DPEP2: variants seen among roughly 807,000 people sequenced by gnomAD.
DPEP2 encodes the protein dipeptidase 2.
In DPEP2, 45 loss-of-function variants were observed where a neutral mutation model predicts 51.8. That is an observed-to-expected ratio of 0.87 (90% CI 0.68 to 1.11). The LOEUF (loss-of-function observed/expected upper bound fraction) is 1.11. DPEP2 is among the 50% of genes most tolerant of loss of function. The pLI, the probability that DPEP2 is intolerant of heterozygous loss-of-function variation, is 0.00. For missense variants in DPEP2, 604 were observed against 631.9 expected (o/e 0.96, Z 0.47); for synonymous variants, 255 against 262.7 (o/e 0.97, Z 0.28).
chr16:67,988,007 T>C lies in DPEP2; in HGVS notation c.1071-20A>G. On this transcript the variant is annotated intron_variant, in intron 9 of 10. Coordinates refer to ENST00000393847, the MANE Select transcript of DPEP2 (RefSeq NM_022355.4). ...GGGAATCTGTGTGGCCACCAGCTAG[T>C]GGGTTTCAGACCTGATTCCCTGATC... 1 of 1,614,090 alleles carries C rather than the reference T, an allele frequency of 6.2e-7. No individual in the cohort carries two copies. Among genetic ancestry groups the C allele is most frequent in the South Asian group, 1.1e-5 (1 of 91,080 alleles).
At chr16:67,990,433 G>A (rs1196333888) in intron 7 of DPEP2, among the ~76,000 whole-genome samples, 1 of 152,106 alleles carries the variant, frequency 6.6e-6, no homozygotes, top group African/African-American at 2.4e-5. Context: ...AGAAGTGGAG[G>A]GAGCAGGGCC....
chr16:67,992,653 C>T lies in DPEP2; in HGVS notation c.264-17G>A. ...TCGTTGTGGCTGGAGGGATGTCAAG[C>T]CAGGGTCAGGTGAAGAACAGACAGA... On this transcript the variant is annotated splice_polypyrimidine_tract_variant and intron_variant, in intron 2 of 10. Coordinates refer to ENST00000393847, the MANE Select transcript of DPEP2 (RefSeq NM_022355.4). 6.2e-7 allele frequency: 1 copy of T among 1,609,902 alleles called. No homozygotes were observed.
upstream of DPEP2, chr16:68,000,417 A>G (rs1234103576): frequency 1.0e-6 from 1 of 984,990 alleles, no homozygotes; most frequent in African/African-American, 1.7e-5. Flanking sequence ...CCATGCTCAG[A>G]GCGCAGAGGT....
At position 67,990,054 on chromosome 16, in the gene DPEP2, A is replaced by G; in HGVS notation, c.987T>C (p.Thr329=). Residue 329 remains threonine (T), a synonymous_variant, in exon 8 of 11, where the codon ACT becomes ACC. Transcript: ENST00000393847. ...CCCGGGAGAGGGAGTTACCTGCCAC[A>G]GTGGACACATTGGCTGATGGGTTGC... The part of the protein sequence containing the change: ...IQCNPSANVS[T]VADHFDHIKA... 1 of 1,614,178 alleles carries G rather than the reference A, an allele frequency of 6.2e-7. No individual in the cohort carries two copies.
At position 67,993,098 on chromosome 16, in the gene DPEP2, G is replaced by T. The variant is rs780785366; in HGVS notation, c.115C>A (p.Pro39Thr). Residue 39 changes from proline to threonine, a missense_variant, in exon 2 of 11, where the codon CCC becomes ACC. Transcript: ENST00000393847. Reference protein sequence around the residue: ...PVTCAYTTPGPPRALTTLGAP... With the variant: ...PVTCAYTTPGTPRALTTLGAP... Reference sequence around the variant, plus strand: ...CCCAGCGTGGTGAGGGCTCTGGGGGGGCCTGGCGTGGTGTAGGCACAGGTT... The same window carrying T: ...CCCAGCGTGGTGAGGGCTCTGGGGGTGCCTGGCGTGGTGTAGGCACAGGTT... The T allele has an allele frequency of 3.3e-5, 51 of 1,566,786 alleles. No homozygotes were observed. In the Admixed American group the frequency reaches 8.4e-4, roughly 26 times the overall value.
At chr16:67,996,667 C>T (rs544994958) in intron 1 of DPEP2, among the ~76,000 whole-genome samples, 29 of 152,044 alleles carry the variant, frequency 1.9e-4, no homozygotes, top group Non-Finnish European at 3.2e-4. Flanking sequence ...TAGGTGTGAG[C>T]GACCGCACTC....
intron 1 of DPEP2, chr16:67,993,855 T>G (rs1165168417): frequency 2.0e-6 from 2 of 985,330 alleles, no homozygotes; most frequent in South Asian, 9.4e-5. Context: ...GGCCCTGACC[T>G]TCTCTCTCCC....
At chr16:67,995,304 C>T (rs962978923) in intron 1 of DPEP2, among the ~76,000 whole-genome samples, 7 of 152,096 alleles carry the variant, frequency 4.6e-5, no homozygotes, top group Non-Finnish European at 8.8e-5. Flanking sequence ...ACCTTGGCCT[C>T]CCAAAGTGCT....
At chr16:67,995,887 C>A (rs895230864) in intron 1 of DPEP2, among the ~76,000 whole-genome samples, 1 of 151,884 alleles carries the variant, frequency 6.6e-6, no homozygotes, top group Admixed American at 6.6e-5. Context: ...TCGTTTCAAC[C>A]CAGGAGGCAG....
chr16:67,991,819 C>T lies in DPEP2; in HGVS notation c.662+19G>A. On this transcript the variant is annotated intron_variant, in intron 5 of 10. Transcript: ENST00000393847. The surrounding 1 kb of genome is among the most constrained non-coding windows in gnomAD (Gnocchi z 5.1). ...CTGCCCCTGCCTCAGCGGTCCCACA[C>T]CATCTGCACTAGGCTCACCAGGGTG... 1 of 1,613,236 alleles carries T rather than the reference C, an allele frequency of 6.2e-7. No homozygotes were observed. Among genetic ancestry groups the T allele is most frequent in the South Asian group, 1.1e-5 (1 of 91,024 alleles).
At position 67,987,769 on chromosome 16, in the gene DPEP2, G is replaced by A; in HGVS notation, c.1207-9C>T. 6.2e-7 allele frequency: 1 copy of A among 1,612,816 alleles called. No individual in the cohort carries two copies. ...TTGTTTTCTTCCTGTACCTAGAGGTGGCAGTCGGTGCTCAGCTTCCACAGC... is the reference window on the plus strand; with the variant it reads ...TTGTTTTCTTCCTGTACCTAGAGGTAGCAGTCGGTGCTCAGCTTCCACAGC... On this transcript the variant is annotated splice_polypyrimidine_tract_variant and intron_variant, in intron 10 of 10. Coordinates refer to ENST00000393847, the MANE Select transcript of DPEP2 (RefSeq NM_022355.4).
chr16:67,989,021 G>T (rs1206590988), intron 9 of DPEP2, among the ~76,000 whole-genome samples: 1 of 152,186 alleles, frequency 6.6e-6, no homozygotes, highest in African/African-American at 2.4e-5. Flanking sequence ...TCAGAAAACA[G>T]TGGTTGCAAA....
intron 1 of DPEP2, chr16:67,994,860 C>T (rs979560227): frequency 4.3e-5 from 42 of 985,336 alleles, no homozygotes; most frequent in African/African-American, 7.0e-5. Flanking sequence ...GCCGAGTGCT[C>T]GAGGTGGGTT....
At chr16:67,996,961 G>A (rs781067824) in intron 1 of DPEP2, among the ~76,000 whole-genome samples, 5 of 151,250 alleles carry the variant, frequency 3.3e-5, no homozygotes, top group Admixed American at 6.6e-5. Flanking sequence ...CAGCCTGGGT[G>A]ACAGGGCAAG....
Position 67,987,405 on chromosome 16 carries a change from A to C in DPEP2, c.*101T>G. 1 of 1,496,982 alleles carries C rather than the reference A, an allele frequency of 6.7e-7. No individual in the cohort carries two copies. The highest frequency in any genetic ancestry group is 1.4e-5 in the African/African-American group (1 of 71,900). 92.7% of individuals were successfully genotyped at this position (1,496,982 alleles called of 1,614,324 possible). ...GAAACTCAGGTCTGTTTCTATGTCC[A>C]AAACATTTATTTCAGGAAATATTTG... On this transcript the variant is annotated 3_prime_UTR_variant, in exon 11 of 11. Transcript: ENST00000393847.
At chr16:67,990,284 C>T (rs964313821) in intron 7 of DPEP2, among the ~76,000 whole-genome samples, 153 bp from the exon 8 acceptor site, 1 of 152,158 alleles carries the variant, frequency 6.6e-6, no homozygotes, top group African/African-American at 2.4e-5. Flanking sequence ...AGGGAGGAGT[C>T]TAGGCCCTGG....
intron 1 of DPEP2, chr16:67,993,711 A>C: frequency 1.0e-6 from 1 of 986,404 alleles, no homozygotes; most frequent in Non-Finnish European, 1.2e-6. Flanking sequence ...CCAGGGCCAC[A>C]TGTGTCCCTG....
At chr16:67,989,479 T>C in intron 8 of DPEP2, 81 bp from the exon 9 acceptor site, 1 of 1,446,590 alleles carries the variant, frequency 6.9e-7, no homozygotes, top group Non-Finnish European at 9.7e-7. Context: ...GCACTGAGTC[T>C]CCTTCTTGCA....
At chr16:67,988,254 G>T (rs2151359650) in intron 9 of DPEP2, among the ~76,000 whole-genome samples, 1 of 152,168 alleles carries the variant, frequency 6.6e-6, no homozygotes, top group Admixed American at 6.5e-5. Context: ...GAGTTAAAAA[G>T]AAGAAAATGG....
Sources: allele counts gnomAD v4.1 joint callset (sites outside exome capture counted in the v4.1 genomes callset), GRCh38; gene constraint gnomAD v4.1.1; non-coding constraint Gnocchi (gnomAD v3.1); transcripts MANE v1.5; gene names NCBI Gene and HGNC (gene_info 2026-07-23, HGNC 2026-07-21).